POFUT3: variants seen among roughly 807,000 people sequenced by gnomAD.
The protein encoded by POFUT3 is protein O-fucosyltransferase 3, also known as GDP-fucose protein O-fucosyltransferase 3.
At chr8:33,468,775 G>A in the POFUT3 span, among the ~76,000 whole-genome samples, 3 of 152,208 alleles carry the variant, frequency 2.0e-5, no homozygotes, top group Non-Finnish European at 2.9e-5. Flanking sequence ...GATGTCCCTA[G>A]AGTGTTGATT....
chr8:33,334,228 T>A, the POFUT3 span, among the ~76,000 whole-genome samples: 1 of 152,260 alleles, frequency 6.6e-6, no homozygotes, highest in African/African-American at 2.4e-5. Context: ...AATTCCTTTT[T>A]TTTTTTTAAG....
the POFUT3 span, among the ~76,000 whole-genome samples, chr8:33,321,274 G>A: frequency 6.6e-6 from 1 of 152,090 alleles, no homozygotes; most frequent in African/African-American, 2.4e-5. Flanking sequence ...TATAAAAAAC[G>A]TGATTTGTGA....
chr8:33,393,220 T>C, the POFUT3 span, among the ~76,000 whole-genome samples: 6,765 of 152,290 alleles, frequency 0.044, 475 homozygotes, highest in African/African-American at 0.15. Context: ...GGTATATCCA[T>C]AAAAATGTGA....
chr8:33,309,529 G>A, the POFUT3 span, among the ~76,000 whole-genome samples: 1 of 151,894 alleles, frequency 6.6e-6, no homozygotes, highest in East Asian at 1.9e-4. Context: ...CCCTGAACTC[G>A]AGTCTTCTTC....
At chr8:33,378,402 T>C in the POFUT3 span, among the ~76,000 whole-genome samples, 1 of 152,144 alleles carries the variant, frequency 6.6e-6, no homozygotes, top group Non-Finnish European at 1.5e-5. Flanking sequence ...TAGAATCCTA[T>C]CATGATACCA....
chr8:33,316,741 C>CA, the POFUT3 span, among the ~76,000 whole-genome samples: 10,922 of 136,658 alleles, frequency 0.08, 681 homozygotes, highest in East Asian at 0.17. Context: ...GACTCTGTCT[C>CA]AAAAAAAAAA....
At chr8:33,431,322 G>T in the POFUT3 span, among the ~76,000 whole-genome samples, 3 of 151,620 alleles carry the variant, frequency 2.0e-5, no homozygotes, top group African/African-American at 7.3e-5. Flanking sequence ...CAAGGCAGGC[G>T]GATCACTTGA....
chr8:33,389,503 T>C, the POFUT3 span: 1 of 1,614,220 alleles, frequency 6.2e-7, no homozygotes, highest in Non-Finnish European at 8.5e-7. Context: ...CCCTGTCTGA[T>C]GGTGGGTCAC....
chr8:33,387,567 G>T, the POFUT3 span, among the ~76,000 whole-genome samples: 1 of 152,168 alleles, frequency 6.6e-6, no homozygotes, highest in African/African-American at 2.4e-5. Context: ...ACTTTGGGAG[G>T]CTGAGACAGG....
the POFUT3 span, among the ~76,000 whole-genome samples, chr8:33,405,978 C>A: frequency 1.3e-5 from 2 of 151,956 alleles, no homozygotes; most frequent in Non-Finnish European, 2.9e-5. Flanking sequence ...TTTCAGAGAC[C>A]AAGTTAGTAG....
At chr8:33,417,091 G>C in the POFUT3 span, among the ~76,000 whole-genome samples, 1 of 152,142 alleles carries the variant, frequency 6.6e-6, no homozygotes, top group Admixed American at 6.5e-5. Context: ...ATTACCGTCT[G>C]AGCTCCGCCT....
the POFUT3 span, among the ~76,000 whole-genome samples, chr8:33,449,931 TTTTC>T: frequency 8.8e-6 from 1 of 113,700 alleles, no homozygotes; most frequent in Non-Finnish European, 1.8e-5. Flanking sequence ...GTTATGAAGC[TTTTC>T]TTTTTTTTTT....
chr8:33,354,394 T>G, the POFUT3 span, among the ~76,000 whole-genome samples: 4 of 152,168 alleles, frequency 2.6e-5, no homozygotes, highest in East Asian at 7.7e-4. Context: ...AAGCCCCGGT[T>G]TGAGTCTGAG....
At chr8:33,327,019 T>C in the POFUT3 span, among the ~76,000 whole-genome samples, 40,689 of 152,100 alleles carry the variant, frequency 0.27, 5,872 homozygotes, top group South Asian at 0.5. Context: ...CTTAAGCCAT[T>C]CTCCTGTCTC....
the POFUT3 span, among the ~76,000 whole-genome samples, chr8:33,425,879 G>T: frequency 1.5e-5 from 2 of 137,842 alleles, no homozygotes; most frequent in African/African-American, 5.4e-5. Context: ...GCAGGGAGCC[G>T]AAACAAGAGC....
chr8:33,442,631 C>CT, the POFUT3 span, among the ~76,000 whole-genome samples: 86,586 of 147,796 alleles, frequency 0.59, 25,349 homozygotes, highest in African/African-American at 0.63. Flanking sequence ...TTTTCAGCCA[C>CT]TTTTTTTTTT....
At chr8:33,372,342 G>A in the POFUT3 span, 2 of 1,286,592 alleles carry the variant, frequency 1.6e-6, no homozygotes, top group Non-Finnish European at 9.8e-7. Flanking sequence ...CACGGACATG[G>A]AAGATAACCA....
chr8:33,344,392 G>T, the POFUT3 span, among the ~76,000 whole-genome samples: 2 of 152,116 alleles, frequency 1.3e-5, no homozygotes, highest in East Asian at 1.9e-4. Flanking sequence ...GAATAACCAC[G>T]TATCGATGGT....
chr8:33,335,656 A>G, the POFUT3 span, among the ~76,000 whole-genome samples: 1 of 152,218 alleles, frequency 6.6e-6, no homozygotes, highest in African/African-American at 2.4e-5. Flanking sequence ...TTAACTACTA[A>G]TAGGCTACTG....
Sources: allele counts gnomAD v4.1 joint callset (sites outside exome capture counted in the v4.1 genomes callset), GRCh38; gene constraint gnomAD v4.1.1; transcripts MANE v1.5; gene names NCBI Gene and HGNC (gene_info 2026-07-23, HGNC 2026-07-21).